MLIP: variants seen among roughly 807,000 people sequenced by gnomAD.
The protein encoded by MLIP is muscular LMNA interacting protein, also known as muscular LMNA-interacting protein.
A neutral mutation model predicts 84.8 loss-of-function variants in MLIP; 79 were observed. The observed-to-expected ratio is 0.93, with a 90% CI of 0.78 to 1.12. The LOEUF is 1.12. Among genes scored for constraint, MLIP ranks in the 50% most tolerant of loss-of-function variants. The pLI is 0.00. For synonymous variants in MLIP, 504 were observed against 463.0 expected, an observed-to-expected ratio of 1.09 and a Z score of -1.14; for missense variants, 1,257 against 1,160.6, an observed-to-expected ratio of 1.08 and a Z score of -1.21.
intron 1 of MLIP, among the ~76,000 whole-genome samples, chr6:54,072,843 C>G (rs543055775): frequency 1.1e-4 from 16 of 152,268 alleles, no homozygotes; most frequent in African/African-American, 3.6e-4. Flanking sequence ...TTTCATTCTT[C>G]CCTGCTTACA....
intron 1 of MLIP, among the ~76,000 whole-genome samples, chr6:54,080,079 CA>C (rs1406843394): frequency 6.6e-6 from 1 of 152,122 alleles, no homozygotes; most frequent in Non-Finnish European, 1.5e-5. Flanking sequence ...GAGCTCTGGC[CA>C]CTTTCCATGC....
At position 54,202,811 on chromosome 6, in the gene MLIP, T is replaced by C. The variant is rs370429620; in HGVS notation, c.2718+578T>C. 3.7e-3 allele frequency among the ~76,000 whole-genome samples: 565 copies of C among 152,226 alleles called. 2 individuals are homozygous for C. The highest frequency in any genetic ancestry group is 0.013 in the African/African-American group (530 of 41,532). The stretch of plus-strand genomic sequence containing the variant: ...TACTTGGCAGGCTGAAGTGGGAGAA[T>C]TGTTGAAGCCCAGGCGGTTGAGGCT... On this transcript the variant is annotated intron_variant, in intron 11 of 13. Transcript: ENST00000502396.
intron 12 of MLIP, among the ~76,000 whole-genome samples, chr6:54,249,464 T>C (rs9296743): frequency 0.33 from 49,807 of 151,702 alleles, 11,664 homozygotes; most frequent in African/African-American, 0.67. Flanking sequence ...GACATATAGC[T>C]AATTCTTTTT....
chr6:54,239,616 A>G (rs1290095962), intron 12 of MLIP, among the ~76,000 whole-genome samples: 1 of 147,586 alleles, frequency 6.8e-6, no homozygotes, highest in African/African-American at 2.6e-5. Context: ...CATCTCTACT[A>G]AAAATACAAA....
chr6:54,228,415 A>G (rs1562082951), intron 11 of MLIP, among the ~76,000 whole-genome samples: 2 of 152,224 alleles, frequency 1.3e-5, no homozygotes, highest in African/African-American at 4.8e-5. Flanking sequence ...ACAGTACTCA[A>G]GTGAGCTTCG....
intron 11 of MLIP, among the ~76,000 whole-genome samples, chr6:54,202,830 T>G (rs1266598454): frequency 1.3e-5 from 2 of 152,190 alleles, no homozygotes; most frequent in Non-Finnish European, 2.9e-5. Flanking sequence ...CCCAGGCGGT[T>G]GAGGCTCCAG....
chr6:54,202,019 A>C, intron 10 of MLIP, 86 bp from the exon 11 acceptor site: 1 of 973,610 alleles, frequency 1.0e-6, no homozygotes, highest in Admixed American at 3.1e-5. Context: ...TGAGAACAGC[A>C]TTGAATGACT....
intron 1 of MLIP, among the ~76,000 whole-genome samples, chr6:54,093,706 C>A (rs640449): frequency 0.66 from 100,710 of 152,152 alleles, 35,661 homozygotes; most frequent in Non-Finnish European, 0.8. Flanking sequence ...ACCCATTACT[C>A]CTGTGCATCC....
At chr6:54,107,133 T>G (rs2150399062), upstream of MLIP, among the ~76,000 whole-genome samples, 1 of 152,350 alleles carries the variant, frequency 6.6e-6, no homozygotes, top group Non-Finnish European at 1.5e-5. Context: ...TAGGGCTTAT[T>G]CATTTTTTCT....
At chr6:54,254,746 T>TCCTCCCTC (rs1782880833) in intron 12 of MLIP, among the ~76,000 whole-genome samples, 1 of 100,806 alleles carries the variant, frequency 9.9e-6, no homozygotes, top group Non-Finnish European at 1.9e-5. Context: ...CTCCCTCCCT[T>TCCTCCCTC]CCTTCCTTCC....
At chr6:54,191,981 G>T (rs1777962037) in intron 10 of MLIP, among the ~76,000 whole-genome samples, 3 of 149,988 alleles carry the variant, frequency 2.0e-5, no homozygotes, top group Non-Finnish European at 4.4e-5. Context: ...TTTCAAAGTG[G>T]CAAATATATA....
intron 1 of MLIP, among the ~76,000 whole-genome samples, chr6:54,028,419 T>C (rs537697491): frequency 6.6e-6 from 1 of 152,300 alleles, no homozygotes; most frequent in South Asian, 2.1e-4. Context: ...CTCATAGGAT[T>C]GCTTTCCTGA....
At chr6:54,060,042 TTAATGCTCCTGTA>T (rs1301940572) in intron 1 of MLIP, among the ~76,000 whole-genome samples, 6 of 51,318 alleles carry the variant, frequency 1.2e-4, no homozygotes, top group African/African-American at 1.9e-4. Flanking sequence ...AATAGTAAAT[TTAATGCTCCTGTA>T]TAATACCTTT....
intron 12 of MLIP, among the ~76,000 whole-genome samples, chr6:54,252,749 A>T (rs1427397410): frequency 6.6e-6 from 1 of 151,796 alleles, no homozygotes; most frequent in African/African-American, 2.4e-5. Context: ...ATCTTTGAAC[A>T]GTTCAAGAGA....
chr6:54,180,034 C>G (rs1482435418), intron 9 of MLIP, among the ~76,000 whole-genome samples: 1 of 152,072 alleles, frequency 6.6e-6, no homozygotes, highest in Non-Finnish European at 1.5e-5. Flanking sequence ...GTCTTTATTT[C>G]TCTTTCATGC....
At chr6:54,030,566 A>G (rs1764070698) in intron 1 of MLIP, 1 of 127,876 alleles carries the variant, frequency 7.8e-6, no homozygotes, top group African/African-American at 3.1e-5. Flanking sequence ...CATTTTAAAC[A>G]CAGCAACTAT....
intron 3 of MLIP, among the ~76,000 whole-genome samples, chr6:54,131,964 T>C (rs1370120623): frequency 3.3e-5 from 5 of 152,170 alleles, no homozygotes; most frequent in Non-Finnish European, 1.5e-5. Flanking sequence ...GTCTGGTGGC[T>C]GAGTAGTTGT....
At chr6:54,124,946 T>C (rs1486406636) in intron 3 of MLIP, 81 bp downstream of exon 3, 31 of 1,334,158 alleles carry the variant, frequency 2.3e-5, no homozygotes, top group Non-Finnish European at 3.0e-5. Context: ...GCAAAGGCCA[T>C]CCTGTTTAAG....
intron 1 of MLIP, among the ~76,000 whole-genome samples, chr6:54,023,448 A>C (rs1036580161): frequency 1.1e-4 from 16 of 151,966 alleles, no homozygotes; most frequent in African/African-American, 3.9e-4. Flanking sequence ...AATTTGATAT[A>C]TTTTGAATTT....
Sources: allele counts gnomAD v4.1 joint callset (sites outside exome capture counted in the v4.1 genomes callset), GRCh38; gene constraint gnomAD v4.1.1; transcripts MANE v1.5; gene names NCBI Gene and HGNC (gene_info 2026-07-23, HGNC 2026-07-21).